The following SLC30A4 variants were observed in gnomAD, a reference collection of about 807,000 sequenced individuals.
SLC30A4 encodes the protein solute carrier family 30 member 4.
A neutral mutation model predicts 41.7 loss-of-function variants in SLC30A4; 20 were observed. The ratio of observed to expected loss-of-function variants is 0.48; its 90% CI spans 0.34 to 0.70. The LOEUF (loss-of-function observed/expected upper bound fraction) is 0.70. SLC30A4 is among the 30% of genes least tolerant of loss of function. The pLI, the probability that SLC30A4 is intolerant of heterozygous loss-of-function variation, is 0.01. For missense variants in SLC30A4, 441 were observed against 529.3 expected, an observed-to-expected ratio of 0.83 and a Z score of 1.64; for synonymous variants, 181 against 195.9, an observed-to-expected ratio of 0.92 and a Z score of 0.64.
chr15:45,479,915 A>C lies in SLC30A4; in HGVS notation c.*5248T>G, dbSNP rs901335919. ...CCAGCTTCAAAATCTTTCTAAAATC[A>C]ATCATATGCAAAATACCTGGTTTCT... On this transcript the variant is annotated 3_prime_UTR_variant, in exon 8 of 8. Coordinates refer to ENST00000261867, the MANE Select transcript of SLC30A4 (RefSeq NM_013309.6). 6.6e-6 allele frequency: 1 copy of C among 152,010 alleles called. No homozygotes were observed. Among genetic ancestry groups the C allele is most frequent in the Non-Finnish European group, 1.5e-5 (1 of 67,996 alleles). The allele number at this position is 152,010 out of a possible 1,614,324, so 9.4% of individuals were successfully genotyped here.
intron 4 of SLC30A4, 40 bp downstream of exon 4, chr15:45,490,688 C>A: frequency 7.0e-7 from 1 of 1,421,568 alleles, no homozygotes; most frequent in Non-Finnish European, 9.6e-7. Context: ...TCTGAGTTCA[C>A]AGTACTTGAA....
At chr15:45,520,971 A>G (rs750647418) in intron 2 of SLC30A4, 8 of 453,478 alleles carry the variant, frequency 1.8e-5, no homozygotes, top group Non-Finnish European at 3.1e-5. Context: ...TGTAAGAGGA[A>G]AAAGAAGACC....
rs1435039495 is a variant in SLC30A4 at position 45,484,501 on chromosome 15, G to A, written c.*662C>T. 1.3e-5 allele frequency: 2 copies of A among 152,064 alleles called. No homozygotes were observed. Among genetic ancestry groups the A allele is most frequent in the Non-Finnish European group, 2.9e-5 (2 of 68,018 alleles). 9.4% of individuals were successfully genotyped at this position (152,064 alleles called of 1,614,324 possible). A position where few individuals can be genotyped will look rare whatever the true frequency, so the allele number is the denominator to read the frequency against. On this transcript the variant is annotated 3_prime_UTR_variant, in exon 8 of 8. Coordinates refer to ENST00000261867, the MANE Select transcript of SLC30A4 (RefSeq NM_013309.6). ...AGTGACCACAATAAATAAAGATTTG[G>A]TTCTAAGATTACAAATAATGAAAAA... is the stretch of plus-strand genomic sequence containing the variant.
intron 3 of SLC30A4, among the ~76,000 whole-genome samples, chr15:45,494,471 G>T (rs1218166414): frequency 6.6e-6 from 1 of 152,156 alleles, no homozygotes; most frequent in Admixed American, 6.5e-5. Flanking sequence ...GATCACCTGA[G>T]GTCAGGAGTT....
At chr15:45,489,470 G>GA (rs753488769) in intron 4 of SLC30A4, among the ~76,000 whole-genome samples, 174 of 151,932 alleles carry the variant, frequency 1.1e-3, no homozygotes, top group Non-Finnish European at 1.8e-3. Context: ...GCCCCAACAT[G>GA]AAAATGTGCT....
At chr15:45,487,052 A>G (rs543204593) in intron 6 of SLC30A4, among the ~76,000 whole-genome samples, 5 of 146,724 alleles carry the variant, frequency 3.4e-5, no homozygotes, top group Admixed American at 3.4e-4. Context: ...AAGAAAAGAA[A>G]AGAACATATA....
chr15:45,520,491 T>C (rs1892632796), intron 2 of SLC30A4, among the ~76,000 whole-genome samples: 1 of 152,102 alleles, frequency 6.6e-6, no homozygotes, highest in South Asian at 2.1e-4. Context: ...GCCAGGGTGG[T>C]CTCAAACTCC....
rs188125944 is a variant in SLC30A4 at position 45,486,018 on chromosome 15, C to T, written c.1135+593G>A. On this transcript the variant is annotated intron_variant, in intron 7 of 7. Coordinates refer to ENST00000261867, the MANE Select transcript of SLC30A4 (RefSeq NM_013309.6). ...ACAGGCGTGAGTCAACGCGCCAGGC[C>T]GGGAAATATTCTTTTTTTTTCCGAG... 1.1e-4 allele frequency among the ~76,000 whole-genome samples: 17 copies of T among 150,334 alleles called. No homozygotes were observed. In the East Asian group the frequency reaches 2.2e-3, roughly 19 times the overall value.
intron 3 of SLC30A4, among the ~76,000 whole-genome samples, chr15:45,504,213 T>C: frequency 6.6e-6 from 1 of 152,172 alleles, no homozygotes; most frequent in East Asian, 1.9e-4. Flanking sequence ...GAATAGCATA[T>C]AACAACATCA....
In SLC30A4 at chr15:45,489,004, G is replaced by C. The variant is rs1394912804; in HGVS notation, c.731C>G (p.Ser244Cys). ...ATTTGAAGGCAGGGAGTGGGAATGG[G>C]AGTGACGGTGACCAGACTGGTTCAA... ...FLLNQSGHRH[S>C]HSHSLPSNSP... is the part of the protein sequence containing the mutation. The change falls in exon 5 of 8, where the codon TCC becomes TGC. Residue 244 changes from serine (S) to cysteine (C), a missense_variant. Transcript: ENST00000261867. The C allele has an allele frequency of 6.2e-7, 1 of 1,613,996 alleles. No homozygotes were observed. The highest frequency in any genetic ancestry group is 1.7e-5 in the Admixed American group (1 of 60,002).
At chr15:45,507,032 T>G (rs989003041) in intron 3 of SLC30A4, among the ~76,000 whole-genome samples, 3 of 152,118 alleles carry the variant, frequency 2.0e-5, no homozygotes, top group African/African-American at 7.2e-5. Flanking sequence ...TTCTTAATAG[T>G]AAGGCTTGGC....
At chr15:45,517,203 T>G (rs1334177110) in intron 2 of SLC30A4, among the ~76,000 whole-genome samples, 1 of 151,914 alleles carries the variant, frequency 6.6e-6, no homozygotes, top group East Asian at 1.9e-4. Context: ...ACTTCTAAAG[T>G]TGGAGTTCCT....
rs987558463 is a variant in SLC30A4, at chr15:45,482,495, C to T, written c.*2668G>A. 1.3e-5 allele frequency: 2 copies of T among 151,336 alleles called. No individual in the cohort carries two copies. The highest frequency in any genetic ancestry group is 2.9e-5 in the Non-Finnish European group (2 of 67,906). The allele number at this position is 151,336 out of a possible 1,614,324, so 9.4% of individuals were successfully genotyped here. A position where few individuals can be genotyped will look rare whatever the true frequency, so the allele number is the denominator to read the frequency against. On this transcript the variant is annotated 3_prime_UTR_variant, in exon 8 of 8. Transcript: ENST00000261867. ...CAAATACATTTTTTAAGGAACAGGT[C>T]GATACAAAAGCGAGATATGCCTTTA...
intron 6 of SLC30A4, 60 bp downstream of exon 6, chr15:45,487,467 G>T: frequency 1.2e-6 from 1 of 829,712 alleles, no homozygotes; most frequent in South Asian, 1.4e-5. Context: ...AATGTCCCCT[G>T]ACTCCCAATC....
In SLC30A4 at chr15:45,522,231, G is replaced by A. The variant is rs769833147; in HGVS notation, c.124C>T (p.Arg42Trp). Reference sequence around the variant, plus strand: ...ACCACAACTCGAAGTTTGTTGAACCGAGAAAGCCCCTCGTCCCCCGCCTCA... The same window carrying A: ...ACCACAACTCGAAGTTTGTTGAACCAAGAAAGCCCCTCGTCCCCCGCCTCA... ...SDEAGDEGLS[R>W]FNKLRVVVAD... The change falls in exon 2 of 8, where the codon CGG becomes TGG. Residue 42 changes from arginine (R) to tryptophan (W), a missense_variant. Physicochemically the swap from Arg to Trp is moderately radical, Grantham distance 101. Transcript: ENST00000261867. The A allele has an allele frequency of 2.8e-5, 45 of 1,614,112 alleles. No individual in the cohort carries two copies. The highest frequency in any genetic ancestry group is 2.2e-5 in the Non-Finnish European group (26 of 1,180,040).
intron 5 of SLC30A4, 44 bp from the exon 6 acceptor site, chr15:45,487,676 T>C (rs765727784): frequency 1.1e-6 from 1 of 913,596 alleles, no homozygotes; most frequent in East Asian, 2.4e-5. Flanking sequence ...TAGACAAATA[T>C]AAAACAGACT....
At chr15:45,503,887 G>A (rs1006063574) in intron 3 of SLC30A4, among the ~76,000 whole-genome samples, 9 of 150,310 alleles carry the variant, frequency 6.0e-5, no homozygotes, top group African/African-American at 1.7e-4. Context: ...CAGAGGTTGC[G>A]GTGAGCTGAG....
rs2140807665 is a variant in SLC30A4, at chr15:45,484,563, A to G, written c.*600T>C. On this transcript the variant is annotated 3_prime_UTR_variant, in exon 8 of 8. Coordinates refer to ENST00000261867, the MANE Select transcript of SLC30A4 (RefSeq NM_013309.6). ...AGATTCAAAACCCTGTAGCATCTGG[A>G]AAAGGTTGTTTATAAAGTATAATCA... 6.6e-6 allele frequency: 1 copy of G among 152,330 alleles called. No individual in the cohort carries two copies. Among genetic ancestry groups the G allele is most frequent in the South Asian group, 2.1e-4 (1 of 4,830 alleles). The allele number at this position is 152,330 out of a possible 1,614,324, so 9.4% of individuals were successfully genotyped here. A position where few individuals can be genotyped will look rare whatever the true frequency, so the allele number is the denominator to read the frequency against.
chr15:45,518,594 ACT>A, intron 2 of SLC30A4, among the ~76,000 whole-genome samples: 1 of 151,730 alleles, frequency 6.6e-6, no homozygotes, highest in Non-Finnish European at 1.5e-5. Flanking sequence ...AGAGAGTCTC[ACT>A]CTGTCACCTG....
Sources: gnomAD v4.1 joint callset for allele counts (sites outside exome capture counted in the v4.1 genomes callset) on GRCh38, gnomAD v4.1.1 for gene constraint, MANE v1.5 for transcripts, NCBI Gene and HGNC (gene_info 2026-07-23, HGNC 2026-07-21) for gene names.